ARHGAP25: variants seen among roughly 807,000 people sequenced by gnomAD.
The protein encoded by ARHGAP25 is Rho GTPase activating protein 25.
A neutral mutation model predicts 71.0 loss-of-function variants in ARHGAP25; 34 were observed. That is an observed-to-expected ratio of 0.48 (90% CI 0.36 to 0.64). The LOEUF is 0.64. Among genes scored for constraint, ARHGAP25 ranks in the 30% least tolerant of loss-of-function variants. ARHGAP25 has a pLI of 0.00. For missense variants in ARHGAP25, 706 were observed against 805.1 expected, an observed-to-expected ratio of 0.88 and a Z score of 1.49; for synonymous variants, 282 against 296.5, an observed-to-expected ratio of 0.95 and a Z score of 0.50.
chr2:68,774,756 G>A (rs1677743515), intron 1 of ARHGAP25: 1 of 1,023,394 alleles, frequency 9.8e-7, no homozygotes, highest in Non-Finnish European at 1.2e-6. Flanking sequence ...GTGGAAGAGT[G>A]CCCAGGCAGC....
intron 1 of ARHGAP25, among the ~76,000 whole-genome samples, chr2:68,751,424 C>G: frequency 6.6e-6 from 1 of 152,202 alleles, no homozygotes; most frequent in East Asian, 1.9e-4. Context: ...AACTAAAGAG[C>G]CACGGGCATT....
rs1677797223 is a variant in ARHGAP25, at chr2:68,775,226, T to C, written c.67T>C (p.Ser23Pro). ...CTGTCTGTTCCTCTCTATAGCTCGGTCAAGGAGTGTGATGACTGGCGAGCA... is the reference window on the plus strand; with the variant it reads ...CTGTCTGTTCCTCTCTATAGCTCGGCCAAGGAGTGTGATGACTGGCGAGCA... ...LKVEAAKIARSRSVMTGEQMA... is the reference protein window; with the variant it reads ...LKVEAAKIARPRSVMTGEQMA... The change falls in exon 2 of 11, where the codon TCA (serine) becomes CCA (proline). Residue 23 changes from serine to proline, a missense_variant. By Grantham distance (74) the Ser-to-Pro change is moderately conservative. Transcript: ENST00000409202. 1.2e-6 allele frequency: 2 copies of C among 1,614,110 alleles called. No individual in the cohort carries two copies. The highest frequency in any genetic ancestry group is 2.2e-5 in the South Asian group (2 of 91,090).
chr2:68,764,536 A>G (rs1171439267), intron 1 of ARHGAP25, among the ~76,000 whole-genome samples: 1 of 152,150 alleles, frequency 6.6e-6, no homozygotes, highest in African/African-American at 2.4e-5. Flanking sequence ...TTAGGTGGAC[A>G]GGCACCCTCT....
At chr2:68,821,917 T>TG (rs1681708177) in intron 9 of ARHGAP25, among the ~76,000 whole-genome samples, 1 of 150,698 alleles carries the variant, frequency 6.6e-6, no homozygotes, top group South Asian at 2.1e-4. Context: ...TTTTTTTTTT[T>TG]TTTTTTTTTT....
chr2:68,736,086 A>G (rs928334809), intron 1 of ARHGAP25, among the ~76,000 whole-genome samples: 1 of 152,230 alleles, frequency 6.6e-6, no homozygotes, highest in Non-Finnish European at 1.5e-5. Flanking sequence ...AACTTCCTTG[A>G]TATTAGATAT....
At chr2:68,720,316 C>CAAAAAAAAAAAAAAA (rs11314943) in intron 2 of ARHGAP25, among the ~76,000 whole-genome samples, 3 of 75,636 alleles carry the variant, frequency 4.0e-5, no homozygotes, top group Non-Finnish European at 7.8e-5. Flanking sequence ...ACATTTCAGT[C>CAAAAAAAAAAAAAAA]AAAAAAAAAA....
chr2:68,822,720 C>T lies in ARHGAP25; in HGVS notation c.1581C>T (p.Ser527=), dbSNP rs1176748707. 3 of 1,614,024 alleles carry T rather than the reference C, an allele frequency of 1.9e-6. No individual in the cohort carries two copies. Among genetic ancestry groups the T allele is most frequent in the African/African-American group, 1.3e-5 (1 of 74,890 alleles). The change falls in exon 10 of 11, where the codon TCC becomes TCT. Residue 527 remains serine, a synonymous_variant. Transcript: ENST00000409202. ...CACTCTCTTCCCAAGCCTGTGACTCCAAGGGAGATACTCTTGCCAGTCCAA... is the reference window on the plus strand; with the variant it reads ...CACTCTCTTCCCAAGCCTGTGACTCTAAGGGAGATACTCTTGCCAGTCCAA... The part of the protein sequence containing the change: ...ASALSSQACD[S]KGDTLASPNS...
intron 1 of ARHGAP25, among the ~76,000 whole-genome samples, chr2:68,768,020 G>A (rs1677234130): frequency 6.6e-6 from 1 of 152,166 alleles, no homozygotes; most frequent in Non-Finnish European, 1.5e-5. Flanking sequence ...CTCCAATGTG[G>A]ATGCCTCTCT....
In ARHGAP25 at chr2:68,734,944, G is replaced by T; in HGVS notation, c.-256G>T. On this transcript the variant is annotated 5_prime_UTR_variant, in exon 1 of 11. An upstream open reading frame in the 5' UTR loses its in-frame stop. Transcript: ENST00000409202. ...TGAAAGCAAGAAAAGCAGGGTGCTA[G>T]CCCCTGTGGGACTGAGGGTGGAGGC... 1.8e-6 allele frequency: 1 copy of T among 566,818 alleles called. No individual in the cohort carries two copies. Among genetic ancestry groups the T allele is most frequent in the Non-Finnish European group, 3.1e-6 (1 of 319,072 alleles). 35.1% of individuals were successfully genotyped at this position (566,818 alleles called of 1,614,324 possible). A position where few individuals can be genotyped will look rare whatever the true frequency, so the allele number is the denominator to read the frequency against.
At chr2:68,786,086 AT>A (rs1678740990) in intron 3 of ARHGAP25, among the ~76,000 whole-genome samples, 1 of 152,036 alleles carries the variant, frequency 6.6e-6, no homozygotes, top group Non-Finnish European at 1.5e-5. Context: ...GGACAACCTG[AT>A]TTTCAATCAT....
intron 2 of ARHGAP25, among the ~76,000 whole-genome samples, chr2:68,781,982 C>T (rs1678373470): frequency 6.6e-6 from 1 of 152,180 alleles, no homozygotes; most frequent in African/African-American, 2.4e-5. Flanking sequence ...TGATGACACC[C>T]TCTTAGCTCA....
chr2:68,820,432 T>A (rs1199858224), intron 9 of ARHGAP25, among the ~76,000 whole-genome samples: 16 of 152,178 alleles, frequency 1.1e-4, no homozygotes, highest in Non-Finnish European at 4.4e-5. Context: ...AGAGGAGGAC[T>A]CAGATCCAGT....
intron 10 of ARHGAP25, among the ~76,000 whole-genome samples, 182 bp from the exon 11 acceptor site, chr2:68,825,805 G>T (rs1227393892): frequency 6.6e-6 from 1 of 152,128 alleles, no homozygotes; most frequent in East Asian, 1.9e-4. Flanking sequence ...GAGGGGCTCA[G>T]AAGTACTGTG....
rs1006236615 is a variant in ARHGAP25, at chr2:68,826,588, G to A, written c.*394G>A. 3.0e-5 allele frequency: 10 copies of A among 338,116 alleles called. No individual in the cohort carries two copies. The highest frequency in any genetic ancestry group is 1.5e-4 in the African/African-American group (7 of 46,678). 20.9% of individuals were successfully genotyped at this position (338,116 alleles called of 1,614,324 possible). On this transcript the variant is annotated 3_prime_UTR_variant, in exon 11 of 11. Transcript: ENST00000409202. ...GCTCACCTTGTCAGACAGCCTCAGG[G>A]CATCTCTGAGACACAGGGGCAGAAA...
rs769781712 is a variant in ARHGAP25, at chr2:68,816,365, G to T, written c.881+3G>T. 55 of 1,610,174 alleles carry T rather than the reference G, an allele frequency of 3.4e-5. No individual in the cohort carries two copies. Among genetic ancestry groups the T allele is most frequent in the Non-Finnish European group, 1.7e-6 (2 of 1,176,680 alleles). ...AGTCTCCTGAGCTACATCTGCAGGT[G>T]AGAGGCCCCTGGTATCAACTCTGCA... On this transcript the variant is annotated splice_donor_region_variant and intron_variant, in intron 7 of 10. Transcript: ENST00000409202.
At chr2:68,798,820 AAAG>A (rs1378601343) in intron 4 of ARHGAP25, among the ~76,000 whole-genome samples, 3 of 152,356 alleles carry the variant, frequency 2.0e-5, no homozygotes, top group South Asian at 2.1e-4. Context: ...CCTGTGACAG[AAAG>A]AAGAACAGGC....
intron 2 of ARHGAP25, among the ~76,000 whole-genome samples, chr2:68,712,495 A>G (rs4854445): frequency 0.23 from 35,738 of 152,096 alleles, 4,458 homozygotes; most frequent in East Asian, 0.37. Context: ...TTTTCTGTAC[A>G]GAAGCTCTTT....
chr2:68,714,347 T>A (rs1674562169), intron 2 of ARHGAP25, among the ~76,000 whole-genome samples: 1 of 152,238 alleles, frequency 6.6e-6, no homozygotes, highest in Non-Finnish European at 1.5e-5. Context: ...TTTTCATTTT[T>A]TATTGCATCT....
intron 10 of ARHGAP25, among the ~76,000 whole-genome samples, chr2:68,825,643 C>T (rs568700095): frequency 3.3e-5 from 5 of 152,044 alleles, no homozygotes; most frequent in South Asian, 4.2e-4. Flanking sequence ...GGTATGGTGG[C>T]GGGCATCTGC....
Sources: gnomAD v4.1 joint callset for allele counts (sites outside exome capture counted in the v4.1 genomes callset) on GRCh38, gnomAD v4.1.1 for gene constraint, MANE v1.5 for transcripts, NCBI Gene and HGNC (gene_info 2026-07-23, HGNC 2026-07-21) for gene names.